LIMCH1: variants seen among roughly 807,000 people sequenced by gnomAD.
LIMCH1 encodes LIM and calponin homology domains-containing protein 1.
In LIMCH1, 113 loss-of-function variants were observed where a neutral mutation model predicts 176.5. The ratio of observed to expected loss-of-function variants is 0.64; its 90% CI spans 0.55 to 0.75. The LOEUF is 0.75. LIMCH1 is among the 30% of genes least tolerant of loss of function. The probability of loss-of-function intolerance (pLI) is 0.00; values close to 1 mark genes in which losing one functional copy is unlikely to be tolerated. For missense variants in LIMCH1, 1,674 were observed against 1,814.9 expected (o/e 0.92, Z 1.41); for synonymous variants, 619 against 645.9 (o/e 0.96, Z 0.63).
chr4:41,510,230 C>T (rs1414886171), intron 2 of LIMCH1, among the ~76,000 whole-genome samples: 1 of 152,148 alleles, frequency 6.6e-6, no homozygotes, highest in Non-Finnish European at 1.5e-5. Context: ...TAATCTTTCT[C>T]CTCCTGAACA....
rs1308304781 is a variant in LIMCH1 at position 41,603,889 on chromosome 4, G to C, written c.-119G>C. Reference sequence around the variant, plus strand: ...TCCTTGACTAGGAGCCTTGATTATAGTAGGAAGCTGAAAAATGTAAGTGTT... The same window carrying C: ...TCCTTGACTAGGAGCCTTGATTATACTAGGAAGCTGAAAAATGTAAGTGTT... On this transcript the variant is annotated 5_prime_UTR_variant, in exon 3 of 32. Transcript: ENST00000503057. 6 of 1,607,256 alleles carry C rather than the reference G, an allele frequency of 3.7e-6. No homozygotes were observed. The highest frequency in any genetic ancestry group is 5.1e-6 in the Non-Finnish European group (6 of 1,174,780).
chr4:41,380,645 C>G (rs1326436568), intron 1 of LIMCH1, among the ~76,000 whole-genome samples: 1 of 152,100 alleles, frequency 6.6e-6, no homozygotes, highest in Non-Finnish European at 1.5e-5. Context: ...TAGACATTTT[C>G]CCCCAAGTGA....
At chr4:41,360,759 A>T (rs2051856724), upstream of LIMCH1, 1 of 976,876 alleles carries the variant, frequency 1.0e-6, no homozygotes, top group Non-Finnish European at 1.4e-6. The surrounding 1 kb of genome is among the most constrained non-coding windows in gnomAD (Gnocchi z 4.5). Context: ...GCGGGCGGGA[A>T]GGGGCGGGGA....
chr4:41,671,647 A>T, intron 22 of LIMCH1, 53 bp downstream of exon 22: 1 of 1,323,390 alleles, frequency 7.6e-7, no homozygotes, highest in Non-Finnish European at 1.1e-6. Context: ...ATTTTAATTT[A>T]TAACATTTGA....
chr4:41,588,358 G>C (rs1204043166), intron 1 of LIMCH1, among the ~76,000 whole-genome samples: 1 of 152,176 alleles, frequency 6.6e-6, no homozygotes, highest in Non-Finnish European at 1.5e-5. Flanking sequence ...GTGGAAGGAA[G>C]TAGAGGAGGC....
chr4:41,481,299 A>C (rs2068577336), intron 1 of LIMCH1, among the ~76,000 whole-genome samples: 1 of 152,192 alleles, frequency 6.6e-6, no homozygotes, highest in South Asian at 2.1e-4. Context: ...CTGCCACAGG[A>C]AGAAGAGTTG....
rs540868330 is a variant in LIMCH1 at position 41,607,478 on chromosome 4, G to A, written c.9+1474G>A. 2.8e-4 allele frequency among the ~76,000 whole-genome samples: 43 copies of A among 152,240 alleles called. 1 individual carries two copies. Among genetic ancestry groups the A allele is most frequent in the African/African-American group, 1.0e-3 (42 of 41,550 alleles). ...TGCTTCTCAGTCTCACCTCTTATTT[G>A]CCCTTTAATTTCTCATCTAACATCC... On this transcript the variant is annotated intron_variant, in intron 4 of 31. Transcript: ENST00000503057.
intron 7 of LIMCH1, among the ~76,000 whole-genome samples, chr4:41,623,248 C>G (rs2092708642): frequency 6.6e-6 from 1 of 152,124 alleles, no homozygotes; most frequent in African/African-American, 2.4e-5. Context: ...GCATTTTAAC[C>G]TCAGTGTTCT....
At chr4:41,468,267 C>T in intron 1 of LIMCH1, among the ~76,000 whole-genome samples, 1 of 98,978 alleles carries the variant, frequency 1.0e-5, no homozygotes, top group East Asian at 3.8e-4. Flanking sequence ...TCCTTTCTTC[C>T]TTCTGCCCTG....
chr4:41,676,713 A>G (rs533034209), intron 23 of LIMCH1, among the ~76,000 whole-genome samples: 1 of 152,176 alleles, frequency 6.6e-6, no homozygotes, highest in Non-Finnish European at 1.5e-5. Flanking sequence ...CCCTCCAAGT[A>G]TGGATAAGGG....
At chr4:41,412,548 A>G (rs145026089) in intron 1 of LIMCH1, among the ~76,000 whole-genome samples, 52 of 152,336 alleles carry the variant, frequency 3.4e-4, no homozygotes, top group Non-Finnish European at 5.9e-5. Context: ...AAAAAAGAAT[A>G]TAGTAATTGG....
At chr4:41,467,617 C>T (rs1043273943) in intron 1 of LIMCH1, among the ~76,000 whole-genome samples, 1 of 152,180 alleles carries the variant, frequency 6.6e-6, no homozygotes, top group Non-Finnish European at 1.5e-5. Context: ...GGGTCCCTCC[C>T]ATGGGGATTA....
chr4:41,662,317 A>G (rs1481057506), intron 19 of LIMCH1, among the ~76,000 whole-genome samples: 1 of 152,188 alleles, frequency 6.6e-6, no homozygotes, highest in Non-Finnish European at 1.5e-5. Context: ...TTCTTTATGT[A>G]TCAGAGAACA....
intron 4 of LIMCH1, among the ~76,000 whole-genome samples, chr4:41,610,600 A>C (rs1373931747): frequency 6.6e-6 from 1 of 152,214 alleles, no homozygotes; most frequent in African/African-American, 2.4e-5. Flanking sequence ...TTTTCTGAAT[A>C]CTTTCCATAT....
intron 1 of LIMCH1, among the ~76,000 whole-genome samples, chr4:41,561,296 AT>A (rs942883255): frequency 3.4e-4 from 51 of 152,106 alleles, no homozygotes; most frequent in African/African-American, 9.9e-4. Flanking sequence ...CCTTGGCTGT[AT>A]TTTTTTCCCC....
At chr4:41,593,885 A>G (rs2088158524) in intron 1 of LIMCH1, among the ~76,000 whole-genome samples, 1 of 151,964 alleles carries the variant, frequency 6.6e-6, no homozygotes, top group South Asian at 2.1e-4. Flanking sequence ...CTATTTTACT[A>G]TTTGCTTTAT....
chr4:41,498,451 CCA>C (rs778684537), intron 2 of LIMCH1, among the ~76,000 whole-genome samples: 9 of 152,096 alleles, frequency 5.9e-5, no homozygotes, highest in Non-Finnish European at 1.2e-4. Context: ...TGTGTTTTTG[CCA>C]TACTCATGTC....
intron 1 of LIMCH1, among the ~76,000 whole-genome samples, chr4:41,558,897 A>G (rs2081670837): frequency 1.3e-5 from 2 of 152,110 alleles, no homozygotes; most frequent in Non-Finnish European, 2.9e-5. Flanking sequence ...AAACTGTTGG[A>G]TTTTGAATCT....
At chr4:41,628,773 T>C (rs958858015) in intron 8 of LIMCH1, among the ~76,000 whole-genome samples, 2 of 152,158 alleles carry the variant, frequency 1.3e-5, no homozygotes, top group African/African-American at 4.8e-5. Flanking sequence ...AGGAGAACAA[T>C]GGAAAATATC....
Sources: gnomAD v4.1 joint callset for allele counts (sites outside exome capture counted in the v4.1 genomes callset) on GRCh38, gnomAD v4.1.1 for gene constraint, Gnocchi (gnomAD v3.1) non-coding constraint, MANE v1.5 for transcripts, NCBI Gene and HGNC (gene_info 2026-07-23, HGNC 2026-07-21) for gene names.